The following NWD2 variants were observed in gnomAD, a reference collection of about 807,000 sequenced individuals.
The protein encoded by NWD2 is NACHT and WD repeat domain containing 2.
Under a neutral mutation model 132.7 loss-of-function variants are expected in NWD2, and 37 were observed. That is an observed-to-expected ratio of 0.28 (90% CI 0.21 to 0.37). The LOEUF is 0.37. Among genes scored for constraint, NWD2 ranks in the 10% least tolerant of loss-of-function variants. The pLI is 1.00. For synonymous variants in NWD2, 705 were observed against 803.0 expected, an observed-to-expected ratio of 0.88 and a Z score of 2.06; for missense variants, 1,592 against 2,122.4, an observed-to-expected ratio of 0.75 and a Z score of 4.91.
At position 37,444,458 on chromosome 4, in the gene NWD2, C is replaced by A. The variant is rs1049041916; in HGVS notation, c.2470C>A (p.Pro824Thr). The stretch of plus-strand genomic sequence containing the variant: ...GGTTTTCCAGTGTAATCCCCTGGAA[C>A]CTGACATCTTTTTCGTTAATCATCG... ...PWVFQCNPLE[P>T]DIFFVNHRKM... The change falls in exon 7 of 7, where the codon CCT becomes ACT. Residue 824 changes from proline to threonine, a missense_variant. Pro to Thr is a conservative substitution (Grantham distance 38). This residue lies in a region of NWD2 where 1,071 missense variants were observed against 1,398.0 expected (regional missense o/e 0.77). Coordinates refer to ENST00000309447, the MANE Select transcript of NWD2 (RefSeq NM_001144990.2). This position sits in a 1 kb window ranked among gnomAD's most constrained non-coding sequence, Gnocchi z 4.8. 1.9e-5 allele frequency: 29 copies of A among 1,551,794 alleles called. No individual in the cohort carries two copies. The highest frequency in any genetic ancestry group is 2.4e-5 in the East Asian group (1 of 40,930).
chr4:37,356,389 GGAA>G lies in NWD2; in HGVS notation c.270_272del (p.Glu90del). ...AGGTCATAGATCTGTACTGGGGAGT[GGAA>G]GAAGATGAGTGGGACAGCCCAGAGC... On this transcript the variant is annotated inframe_deletion, in exon 3 of 7. Coordinates refer to ENST00000309447, the MANE Select transcript of NWD2 (RefSeq NM_001144990.2). 1 of 1,550,750 alleles carries G rather than the reference GGAA, an allele frequency of 6.4e-7. No homozygotes were observed. The highest frequency in any genetic ancestry group is 1.7e-4 in the Middle Eastern group (1 of 5,988).
chr4:37,283,814 T>C (rs1172377784), intron 1 of NWD2, among the ~76,000 whole-genome samples: 1 of 152,148 alleles, frequency 6.6e-6, no homozygotes, highest in Non-Finnish European at 1.5e-5. Flanking sequence ...TTCTGTGTGC[T>C]GTAGTAGTAT....
intron 3 of NWD2, among the ~76,000 whole-genome samples, chr4:37,383,597 C>T (rs1484878995): frequency 6.6e-6 from 1 of 152,110 alleles, no homozygotes; most frequent in Non-Finnish European, 1.5e-5. Context: ...GCATAGAAAA[C>T]ACCTGCATGC....
chr4:37,330,507 A>G (rs984941952), intron 2 of NWD2, among the ~76,000 whole-genome samples: 5 of 152,180 alleles, frequency 3.3e-5, no homozygotes, highest in Non-Finnish European at 7.4e-5. Flanking sequence ...GCTTGTGATT[A>G]TACCCAGAGA....
chr4:37,362,891 A>C (rs1585808), intron 3 of NWD2, among the ~76,000 whole-genome samples: 74,968 of 151,916 alleles, frequency 0.49, 18,978 homozygotes, highest in East Asian at 0.59. Context: ...AGAATGGGAG[A>C]AAATGTTCAA....
Position 37,375,862 on chromosome 4 carries a change from T to C in NWD2, c.357+19380T>C, listed in dbSNP as rs1190297840. The stretch of plus-strand genomic sequence containing the variant: ...GATTACAGGCGTGAGCCACCGCGCC[T>C]GGCCTCTGGAATTCACTTTTAAACC... On this transcript the variant is annotated intron_variant, in intron 3 of 6. Transcript: ENST00000309447. Among the ~76,000 whole-genome samples, 3 of 152,292 alleles carry C rather than the reference T, an allele frequency of 2.0e-5. No individual in the cohort carries two copies. The East Asian group carries it at 5.8e-4, about 29-fold the overall frequency.
At chr4:37,270,836 A>G (rs904795624) in intron 1 of NWD2, among the ~76,000 whole-genome samples, 4 of 151,844 alleles carry the variant, frequency 2.6e-5, no homozygotes, top group African/African-American at 9.7e-5. Flanking sequence ...CCTATTTCAA[A>G]GTAGCAATTA....
At chr4:37,328,351 C>T (rs1008042009) in intron 2 of NWD2, among the ~76,000 whole-genome samples, 5 of 151,942 alleles carry the variant, frequency 3.3e-5, no homozygotes, top group African/African-American at 1.2e-4. Flanking sequence ...ACCCATCAAC[C>T]CATCATCTAC....
intron 3 of NWD2, among the ~76,000 whole-genome samples, chr4:37,399,090 T>C (rs1348729149): frequency 6.6e-6 from 1 of 152,238 alleles, no homozygotes; most frequent in East Asian, 1.9e-4. Context: ...TTTAATGTTC[T>C]TTTTAAATGG....
At chr4:37,384,013 T>C (rs1163101857) in intron 3 of NWD2, among the ~76,000 whole-genome samples, 1 of 152,174 alleles carries the variant, frequency 6.6e-6, no homozygotes, top group Non-Finnish European at 1.5e-5. Flanking sequence ...GTCTGTTACA[T>C]AGGTAAACAT....
chr4:37,370,007 G>A (rs1720182933), intron 3 of NWD2, among the ~76,000 whole-genome samples: 1 of 152,100 alleles, frequency 6.6e-6, no homozygotes, highest in Non-Finnish European at 1.5e-5. Flanking sequence ...CTGTTCTTTA[G>A]CATCTGTGCG....
intron 3 of NWD2, among the ~76,000 whole-genome samples, chr4:37,424,093 C>T (rs1156804810): frequency 6.6e-6 from 1 of 152,072 alleles, no homozygotes; most frequent in Non-Finnish European, 1.5e-5. Context: ...ATTGTCCTCC[C>T]ACCCAAAAGA....
intron 1 of NWD2, among the ~76,000 whole-genome samples, chr4:37,311,786 A>G (rs887541466): frequency 3.4e-5 from 5 of 149,054 alleles, no homozygotes; most frequent in South Asian, 4.1e-4. Flanking sequence ...TCTTTAATCC[A>G]TCTTGAATTA....
At chr4:37,388,270 G>T (rs539697194) in intron 3 of NWD2, among the ~76,000 whole-genome samples, 1 of 151,952 alleles carries the variant, frequency 6.6e-6, no homozygotes, top group Non-Finnish European at 1.5e-5. Context: ...TGCAACCTCC[G>T]CCTCCCAGGT....
intron 1 of NWD2, among the ~76,000 whole-genome samples, chr4:37,247,396 G>A (rs1221296572): frequency 6.6e-6 from 1 of 152,102 alleles, no homozygotes; most frequent in Non-Finnish European, 1.5e-5. Flanking sequence ...GTCAAATTAA[G>A]ACAAAGAACA....
intron 1 of NWD2, among the ~76,000 whole-genome samples, chr4:37,278,221 G>T (rs770517580): frequency 6.6e-6 from 1 of 152,156 alleles, no homozygotes; most frequent in Non-Finnish European, 1.5e-5. Context: ...AGTTAGGAGT[G>T]TCTGAATAGC....
intron 3 of NWD2, among the ~76,000 whole-genome samples, chr4:37,408,681 A>C (rs963978242): frequency 1.3e-5 from 2 of 152,194 alleles, no homozygotes; most frequent in African/African-American, 4.8e-5. Context: ...AGCTCTGCTA[A>C]GGGTCAGACT....
chr4:37,332,199 C>G (rs1168839137), intron 2 of NWD2, among the ~76,000 whole-genome samples: 1 of 152,078 alleles, frequency 6.6e-6, no homozygotes, highest in Non-Finnish European at 1.5e-5. Flanking sequence ...AAGATACCAG[C>G]TGGGATGGCC....
At chr4:37,348,840 C>G (rs1015722564) in intron 2 of NWD2, among the ~76,000 whole-genome samples, 2 of 151,176 alleles carry the variant, frequency 1.3e-5, no homozygotes, top group Non-Finnish European at 2.9e-5. Flanking sequence ...CCTAGTACCC[C>G]ACCCCACAAC....
Sources: gnomAD v4.1 joint callset for allele counts (sites outside exome capture counted in the v4.1 genomes callset) on GRCh38, gnomAD v4.1.1 for gene constraint, gnomAD v4.1.1 regional missense constraint, Gnocchi (gnomAD v3.1) non-coding constraint, MANE v1.5 for transcripts, NCBI Gene and HGNC (gene_info 2026-07-23, HGNC 2026-07-21) for gene names.